The following SULF2 variants were observed in gnomAD, a reference collection of about 807,000 sequenced individuals.
The protein encoded by SULF2 is extracellular sulfatase Sulf-2.
SULF2 carries 52 observed loss-of-function variants against 107.7 expected under a neutral mutation model. The ratio of observed to expected loss-of-function variants is 0.48; its 90% CI spans 0.39 to 0.61. The LOEUF is 0.61. Ranked by LOEUF, SULF2 falls within the 20% of genes least tolerant of loss-of-function variation. SULF2 has a pLI of 0.00. For synonymous variants in SULF2, 460 were observed against 464.3 expected, an observed-to-expected ratio of 0.99 and a Z score of 0.12; for missense variants, 993 against 1,177.3, an observed-to-expected ratio of 0.84 and a Z score of 2.29.
chr20:47,754,309 G>A (rs557168165), intron 2 of SULF2, among the ~76,000 whole-genome samples: 15 of 152,354 alleles, frequency 9.8e-5, no homozygotes, highest in East Asian at 3.9e-4. Context: ...ACTGCTGCAC[G>A]GATGGGCAGA....
chr20:47,748,307 G>A (rs924738588), intron 2 of SULF2, among the ~76,000 whole-genome samples: 1 of 152,138 alleles, frequency 6.6e-6, no homozygotes, highest in Non-Finnish European at 1.5e-5. Flanking sequence ...CTCCTGCCTC[G>A]GGTTTCCACA....
At chr20:47,773,388 C>T (rs569179424) in intron 1 of SULF2, among the ~76,000 whole-genome samples, 11 of 152,302 alleles carry the variant, frequency 7.2e-5, no homozygotes, top group African/African-American at 2.2e-4. Flanking sequence ...CAGAGGCGGG[C>T]GAGAAGCCAG....
At chr20:47,701,770 G>A (rs1350153622) in intron 4 of SULF2, among the ~76,000 whole-genome samples, 1 of 152,218 alleles carries the variant, frequency 6.6e-6, no homozygotes, top group Non-Finnish European at 1.5e-5. Flanking sequence ...TACTAAGCAG[G>A]AGAAGCCAGA....
intron 3 of SULF2, among the ~76,000 whole-genome samples, chr20:47,712,671 C>T (rs1182696277): frequency 6.6e-6 from 1 of 152,114 alleles, no homozygotes; most frequent in Admixed American, 6.5e-5. Flanking sequence ...TGGGGCAGCG[C>T]CCTCTAATGT....
intron 2 of SULF2, among the ~76,000 whole-genome samples, chr20:47,754,728 A>G (rs1405252088): frequency 6.6e-6 from 1 of 152,234 alleles, no homozygotes; most frequent in East Asian, 1.9e-4. Flanking sequence ...TAACAGTGAA[A>G]AACTAACAAA....
chr20:47,676,515 C>T lies in SULF2; in HGVS notation c.1359G>A (p.Thr453=), dbSNP rs762937870. Residue 453 remains threonine (T), a synonymous_variant, in exon 10 of 21, where the codon ACG becomes ACA. Transcript: ENST00000688720. The part of the protein sequence containing the change: ...KDLCQRAEYQ[T]ACEQLGQKWQ... ...TTACCTGTCCCAGCTGCTCACACGC[C>T]GTCTGGTACTCAGCACGCTGACACA... 76 of 1,606,440 alleles carry T rather than the reference C, an allele frequency of 4.7e-5. No individual in the cohort carries two copies. The African/African-American group carries it at 5.9e-4, about 12-fold the overall frequency.
chr20:47,750,021 C>T (rs1487046505), intron 2 of SULF2, among the ~76,000 whole-genome samples: 10 of 152,180 alleles, frequency 6.6e-5, no homozygotes, highest in South Asian at 2.1e-4. Flanking sequence ...CTCGCTCTGT[C>T]GCCAGGCTGG....
At chr20:47,664,875 G>A (rs573776315) in intron 14 of SULF2, among the ~76,000 whole-genome samples, 48 of 152,348 alleles carry the variant, frequency 3.2e-4, no homozygotes, top group African/African-American at 8.7e-4. Flanking sequence ...CCCCTAAGCC[G>A]GGAACATGGA....
chr20:47,663,201 A>G lies in SULF2; in HGVS notation c.2239T>C (p.Cys747Arg). The G allele has an allele frequency of 6.2e-7, 1 of 1,614,168 alleles. No individual in the cohort carries two copies. Among genetic ancestry groups the G allele is most frequent in the Non-Finnish European group, 8.5e-7 (1 of 1,180,038 alleles). The stretch of plus-strand genomic sequence containing the variant: ...TTATTGTTGGCGCTGGTGCAGGCAC[A>G]GAAAGGCCCCACTGCCAAGGAAGAG... ...TAPFWTLGPF[C>R]ACTSANNNTY... Residue 747 changes from cysteine (C) to arginine (R), a missense_variant, in exon 17 of 21, where the codon TGT becomes CGT. Cys to Arg is a radical substitution (Grantham distance 180). This residue lies in a region of SULF2 where 497 missense variants were observed against 544.1 expected (regional missense o/e 0.91). Coordinates refer to ENST00000688720, the MANE Select transcript of SULF2 (RefSeq NM_001387048.1).
intron 2 of SULF2, among the ~76,000 whole-genome samples, chr20:47,749,767 T>G (rs2090121672): frequency 6.6e-6 from 1 of 152,190 alleles, no homozygotes; most frequent in South Asian, 2.1e-4. Flanking sequence ...CAGGCTGTAT[T>G]CCTGCAACTT....
rs142661804 is a variant in SULF2, at chr20:47,693,836, G to T, written c.568-3541C>A. On this transcript the variant is annotated intron_variant, in intron 4 of 20. Transcript: ENST00000688720. ...CACAGTCTAATGTTTCAAAGTGTGT[G>T]GGGGGTGATTACAGTACCTGCCTCT... Among the ~76,000 whole-genome samples the T allele has an allele frequency of 6.0e-3, 910 of 152,328 alleles. 8 individuals are homozygous for T. The highest frequency in any genetic ancestry group is 0.017 in the African/African-American group (717 of 41,572).
rs776173065 is a variant in SULF2 at position 47,666,461 on chromosome 20, C to T, written c.1604G>A (p.Arg535His). The T allele has an allele frequency of 1.6e-5, 26 of 1,613,356 alleles. 1 individual carries two copies. The highest frequency in any genetic ancestry group is 8.8e-5 in the South Asian group (8 of 91,076). ...CTCGATGGCCACTGAGCGGATGGAG[C>T]GACTGCGGACATAGCTGGCCTTGTA... ...KKYKASYVRS[R>H]SIRSVAIEVD... Residue 535 changes from arginine to histidine, a missense_variant, in exon 12 of 21, where the codon CGC (arginine) becomes CAC (histidine). Coordinates refer to ENST00000688720, the MANE Select transcript of SULF2 (RefSeq NM_001387048.1). The surrounding 1 kb of genome is among the most constrained non-coding windows in gnomAD (Gnocchi z 5.4).
intron 10 of SULF2, among the ~76,000 whole-genome samples, chr20:47,676,133 A>G (rs2087631945): frequency 6.6e-6 from 1 of 152,264 alleles, no homozygotes; most frequent in South Asian, 2.1e-4. Flanking sequence ...TATAAAAGGA[A>G]AACCAGTCAC....
intron 2 of SULF2, among the ~76,000 whole-genome samples, chr20:47,746,982 T>TTA (rs2090051442): frequency 8.3e-5 from 10 of 121,134 alleles, no homozygotes; most frequent in African/African-American, 2.4e-4. Flanking sequence ...CTTAAATAAA[T>TTA]AAAAAAAAAA....
Position 47,678,592 on chromosome 20 carries a change from C to T in SULF2, c.1193+84G>A, listed in dbSNP as rs201687419. 56 of 1,551,788 alleles carry T rather than the reference C, an allele frequency of 3.6e-5. No homozygotes were observed. Among genetic ancestry groups the T allele is most frequent in the Non-Finnish European group, 4.4e-5 (50 of 1,141,074 alleles). On this transcript the variant is annotated intron_variant, in intron 8 of 20. Transcript: ENST00000688720. This position sits in a 1 kb window ranked among gnomAD's most constrained non-coding sequence, Gnocchi z 4.5. ...CAGCTCCCGACCCTTGGAGACCCCA[C>T]GTTCTAGACCCACAGGGTTTTGCTC... is the stretch of plus-strand genomic sequence containing the variant.
At chr20:47,727,845 C>G (rs2089486470) in intron 3 of SULF2, among the ~76,000 whole-genome samples, 1 of 152,216 alleles carries the variant, frequency 6.6e-6, no homozygotes, top group South Asian at 2.1e-4. Context: ...ATTCTTTAGA[C>G]TCTTGCTCAA....
chr20:47,679,552 T>C (rs2087757702), intron 7 of SULF2, among the ~76,000 whole-genome samples: 2 of 152,192 alleles, frequency 1.3e-5, no homozygotes, highest in African/African-American at 4.8e-5. Context: ...CAAGCCACTC[T>C]AAATCAGCAG....
intron 4 of SULF2, 131 bp from the exon 5 acceptor site, chr20:47,690,426 C>G (rs1210273414): frequency 3.3e-6 from 2 of 599,390 alleles, no homozygotes; most frequent in East Asian, 6.8e-5. Context: ...CCTTCTGGAG[C>G]TGACAGTCTA....
intron 3 of SULF2, among the ~76,000 whole-genome samples, chr20:47,713,019 T>C (rs1340952299): frequency 1.4e-5 from 2 of 141,516 alleles, no homozygotes; most frequent in African/African-American, 6.0e-5. Context: ...CCAGCCTGGG[T>C]AACAGAGCCA....
Sources: allele counts gnomAD v4.1 joint callset (sites outside exome capture counted in the v4.1 genomes callset), GRCh38; gene constraint gnomAD v4.1.1; regional missense constraint gnomAD v4.1.1; non-coding constraint Gnocchi (gnomAD v3.1); transcripts MANE v1.5; gene names NCBI Gene and HGNC (gene_info 2026-07-23, HGNC 2026-07-21).